NCOR2: variants seen among roughly 807,000 people sequenced by gnomAD.
NCOR2 encodes the protein CTG repeat protein 26.
Under a neutral mutation model 262.9 loss-of-function variants are expected in NCOR2, and 81 were observed. The observed-to-expected ratio is 0.31, with a 90% confidence interval of 0.26 to 0.37. NCOR2 has a LOEUF of 0.37. NCOR2 is among the 10% of genes least tolerant of loss of function. The probability of loss-of-function intolerance (pLI) is 1.00; values close to 1 mark genes in which losing one functional copy is unlikely to be tolerated. For synonymous variants in NCOR2, 1,659 were observed against 1,559.3 expected (o/e 1.06, Z -1.51); for missense variants, 3,385 against 3,621.4 (o/e 0.93, Z 1.68).
chr12:124,394,762 T>C (rs2136167539), intron 16 of NCOR2, among the ~76,000 whole-genome samples: 1 of 152,314 alleles, frequency 6.6e-6, no homozygotes, highest in East Asian at 1.9e-4. Context: ...CTTGGACTTC[T>C]GGCCTCCAGA....
intron 7 of NCOR2, among the ~76,000 whole-genome samples, chr12:124,448,347 A>G (rs4765567): frequency 0.1 from 15,809 of 152,266 alleles, 970 homozygotes; most frequent in East Asian, 0.19. Flanking sequence ...GGGTAGCCCA[A>G]TTGGAAGACA....
At chr12:124,370,309 G>A (rs1312182941) in intron 20 of NCOR2, among the ~76,000 whole-genome samples, 1 of 152,252 alleles carries the variant, frequency 6.6e-6, no homozygotes, top group Non-Finnish European at 1.5e-5. Context: ...GTTCCTGTTG[G>A]CAGTGGTTCC....
intron 34 of NCOR2, among the ~76,000 whole-genome samples, chr12:124,341,201 A>C (rs2036424997): frequency 6.6e-6 from 1 of 151,936 alleles, no homozygotes; most frequent in African/African-American, 2.4e-5. Flanking sequence ...TGGGCTGTTT[A>C]CAAGGCAAAG....
rs1185827840 is a variant in NCOR2 at position 124,340,683 on chromosome 12, T to A, written c.5257A>T (p.Thr1753Ser). 2 of 1,522,862 alleles carry A rather than the reference T, an allele frequency of 1.3e-6. No homozygotes were observed. Among genetic ancestry groups the A allele is most frequent in the East Asian group, 4.6e-5 (2 of 43,596 alleles). 94.3% of individuals were successfully genotyped at this position (1,522,862 alleles called of 1,614,324 possible). A position where few individuals can be genotyped will look rare whatever the true frequency, so the allele number is the denominator to read the frequency against. The change falls in exon 35 of 47, where the codon ACC becomes TCC. Residue 1753 changes from threonine (T) to serine (S), a missense_variant. Thr to Ser is a moderately conservative substitution (Grantham distance 58). This residue lies in a region of NCOR2 where 1,615 missense variants were observed against 1,626.9 expected (regional missense o/e 0.99). Coordinates refer to ENST00000405201, the Ensembl canonical transcript of NCOR2. ...AGGTAGGCAAGGCGGTCCATGGCGG[T>A]GGCTGGGGTGCCTGGTGTCGGGGGC... is the stretch of plus-strand genomic sequence containing the variant.
chr12:124,528,546 A>G (rs2050605931), intron 1 of NCOR2, among the ~76,000 whole-genome samples: 1 of 152,200 alleles, frequency 6.6e-6, no homozygotes, highest in Non-Finnish European at 1.5e-5. Flanking sequence ...AGGATTGAAC[A>G]AGGAAGACCC....
rs566416100 is a variant in NCOR2, at chr12:124,515,611, G to C, written c.-118+19954C>G. Among the ~76,000 whole-genome samples the C allele has an allele frequency of 5.9e-5, 9 of 151,704 alleles. 1 individual carries two copies. The highest frequency in any genetic ancestry group is 2.2e-4 in the African/African-American group (9 of 41,368). ...CATGTATCTGTGTGGGTGTCTGCAT[G>C]TGAGTATGGGTGTGTGTGCACGACT... On this transcript the variant is annotated intron_variant, in intron 1 of 46. Coordinates refer to the NCOR2 transcript ENST00000404621.
chr12:124,366,740 A>G (rs1402092299), intron 20 of NCOR2, among the ~76,000 whole-genome samples: 1 of 151,390 alleles, frequency 6.6e-6, no homozygotes, highest in Non-Finnish European at 1.5e-5. Context: ...CTGGTCTTGA[A>G]CTCCTGGGCT....
chr12:124,336,923 A>T (rs762655605), exon 38 of NCOR2: 2 of 1,585,020 alleles, frequency 1.3e-6, no homozygotes, highest in East Asian at 2.3e-5. Flanking sequence ...GACAGGAGGC[A>T]CTAGGGGCCG....
chr12:124,451,842 C>G (rs2045563402), intron 6 of NCOR2, among the ~76,000 whole-genome samples: 1 of 151,892 alleles, frequency 6.6e-6, no homozygotes, highest in Non-Finnish European at 1.5e-5. Context: ...CACCCAGACC[C>G]CCGCCCACCC....
intron 3 of NCOR2, among the ~76,000 whole-genome samples, chr12:124,479,454 TACAC>T (rs144568176): frequency 8.4e-5 from 12 of 143,478 alleles, no homozygotes; most frequent in African/African-American, 2.1e-4. Flanking sequence ...CACACACGCA[TACAC>T]ACACACACAC....
chr12:124,378,271 G>C lies in NCOR2; in HGVS notation c.2133C>G (p.Ser711Arg), dbSNP rs376051705. ...CCTCCACCATCTCCTCCTCATTTCCGCTCACGCCCGACGCCTCCATCTCCT... is the reference window on the plus strand; with the variant it reads ...CCTCCACCATCTCCTCCTCATTTCCCCTCACGCCCGACGCCTCCATCTCCT... The change falls in exon 18 of 47, where the codon AGC (serine) becomes AGG (arginine). Residue 711 changes from serine to arginine, a missense_variant. Around this residue, in one of 5 missense-constraint regions of NCOR2, gnomAD observed 515 missense variants for 781.2 expected, o/e 0.66. Transcript: ENST00000405201. This position sits in a 1 kb window ranked among gnomAD's most constrained non-coding sequence, Gnocchi z 4.2. 1 of 1,613,808 alleles carries C rather than the reference G, an allele frequency of 6.2e-7. No individual in the cohort carries two copies. Among genetic ancestry groups the C allele is most frequent in the Non-Finnish European group, 8.5e-7 (1 of 1,179,854 alleles).
At chr12:124,450,054 G>C (rs1266796186) in intron 6 of NCOR2, among the ~76,000 whole-genome samples, 187 bp from the exon 9 acceptor site, 1 of 152,166 alleles carries the variant, frequency 6.6e-6, no homozygotes, top group Non-Finnish European at 1.5e-5. Context: ...GCTGAAACTG[G>C]TTCCTCGGGA....
Position 124,419,807 on chromosome 12 carries a change from G to A in NCOR2, c.1482+150C>T. ...TCCCCACATCTGCTGCTACCACGGAGGGGAGCCTGCACTCACACTGCCGGT... is the reference window on the plus strand; with the variant it reads ...TCCCCACATCTGCTGCTACCACGGAAGGGAGCCTGCACTCACACTGCCGGT... On this transcript the variant is annotated intron_variant, in intron 13 of 46. Coordinates refer to ENST00000405201, the Ensembl canonical transcript of NCOR2. 2.8e-6 allele frequency: 2 copies of A among 713,114 alleles called. 1 individual carries two copies. The highest frequency in any genetic ancestry group is 3.2e-5 in the South Asian group (2 of 63,306). 44.2% of individuals were successfully genotyped at this position (713,114 alleles called of 1,614,324 possible). A position where few individuals can be genotyped will look rare whatever the true frequency, so the allele number is the denominator to read the frequency against.
chr12:124,418,615 CTTTG>C (rs1565925328), intron 13 of NCOR2, among the ~76,000 whole-genome samples: 1 of 152,232 alleles, frequency 6.6e-6, no homozygotes. Flanking sequence ...TCTGGGGACA[CTTTG>C]TGTCTACCGG....
At chr12:124,419,074 C>G (rs1044084340) in intron 13 of NCOR2, among the ~76,000 whole-genome samples, 1 of 152,170 alleles carries the variant, frequency 6.6e-6, no homozygotes, top group Non-Finnish European at 1.5e-5. Flanking sequence ...TGCTCTGAGA[C>G]GATGCTTCAA....
intron 1 of NCOR2, chr12:124,561,835 G>C (rs1359266361): frequency 6.6e-6 from 1 of 152,272 alleles, no homozygotes; most frequent in African/African-American, 2.4e-5. Context: ...GGGCAACATA[G>C]AGAGACTCCA....
intron 1 of NCOR2, among the ~76,000 whole-genome samples, chr12:124,554,067 C>T (rs535858035): frequency 2.6e-5 from 4 of 152,278 alleles, no homozygotes; most frequent in African/African-American, 9.6e-5. Flanking sequence ...CCGGGGCAGG[C>T]CAAAAAGGAA....
intron 20 of NCOR2, among the ~76,000 whole-genome samples, chr12:124,369,945 G>C (rs2039354945): frequency 6.6e-6 from 1 of 152,148 alleles, no homozygotes; most frequent in Admixed American, 6.5e-5. Flanking sequence ...CCCCAGTCCG[G>C]GGCCAGCCAC....
Position 124,454,904 on chromosome 12 carries a change from G to A in NCOR2, c.762+2202C>T, listed in dbSNP as rs2045752798. On this transcript the variant is annotated intron_variant, in intron 6 of 46. Coordinates refer to ENST00000405201, the Ensembl canonical transcript of NCOR2. This position sits in a 1 kb window ranked among gnomAD's most constrained non-coding sequence, Gnocchi z 5.6. ...ACCCCAAATATGCAAACAATCTCAC[G>A]TCCACCGACTGATGAGTGGGTAAAC... 6.6e-6 allele frequency among the ~76,000 whole-genome samples: 1 copy of A among 152,056 alleles called. No homozygotes were observed. Among genetic ancestry groups the A allele is most frequent in the Admixed American group, 6.5e-5 (1 of 15,270 alleles).
Sources: gnomAD v4.1 joint callset for allele counts (sites outside exome capture counted in the v4.1 genomes callset) on GRCh38, gnomAD v4.1.1 for gene constraint, gnomAD v4.1.1 regional missense constraint, Gnocchi (gnomAD v3.1) non-coding constraint, MANE v1.5 for transcripts, NCBI Gene and HGNC (gene_info 2026-07-23, HGNC 2026-07-21) for gene names.